Variants in PPP1R36 observed in about 807,000 individuals in gnomAD.
PPP1R36 encodes the protein chromosome 14 open reading frame 50.
In PPP1R36, 47 loss-of-function variants were observed where a neutral mutation model predicts 53.4. The ratio of observed to expected loss-of-function variants is 0.88; its 90% CI spans 0.70 to 1.12. The LOEUF (loss-of-function observed/expected upper bound fraction) is 1.12, where lower values mean the gene tolerates loss of function less well. PPP1R36 is among the 50% of genes most tolerant of loss of function. PPP1R36 has a pLI of 0.00. For missense variants in PPP1R36, 456 were observed against 513.9 expected (o/e 0.89, Z 1.09); for synonymous variants, 153 against 170.5 (o/e 0.90, Z 0.80).
chr14:64,562,971 A>G (rs547296579), intron 3 of PPP1R36, among the ~76,000 whole-genome samples: 1 of 152,146 alleles, frequency 6.6e-6, no homozygotes, highest in African/African-American at 2.4e-5. Context: ...GGTTCAAGCA[A>G]TTCTCCTGCC....
intron 3 of PPP1R36, among the ~76,000 whole-genome samples, 164 bp from the exon 4 acceptor site, chr14:64,564,587 T>C (rs1466158925): frequency 6.6e-6 from 1 of 152,246 alleles, no homozygotes; most frequent in African/African-American, 2.4e-5. Context: ...GTTTTAATTT[T>C]TTCTCTAGAT....
intron 3 of PPP1R36, among the ~76,000 whole-genome samples, chr14:64,562,466 A>T (rs1049153578): frequency 5.9e-5 from 9 of 152,008 alleles, no homozygotes; most frequent in African/African-American, 1.7e-4. Flanking sequence ...AAAAAAAAAA[A>T]TTTCAGTTAT....
rs530361235 is a variant in PPP1R36 at position 64,574,600 on chromosome 14, A to G, written c.668+11A>G. ...CATGTGCTGTGGAAAGTAAGCAGAT[A>G]CTTACACTTCATTAGATCATCACTC... is the stretch of plus-strand genomic sequence containing the variant. On this transcript the variant is annotated intron_variant, in intron 8 of 11. Transcript: ENST00000298705. 3.6e-5 allele frequency: 57 copies of G among 1,605,116 alleles called. No individual in the cohort carries two copies. Among genetic ancestry groups the G allele is most frequent in the Middle Eastern group, 3.3e-4 (2 of 6,008 alleles).
In PPP1R36 at chr14:64,551,836, ACTT is replaced by A. The variant is rs547300373; in HGVS notation, c.134+856_134+858del. ...TCAGGTCTCTGGAGCCAGCTACAGA[ACTT>A]CTTCAGTAGGTACTCAACAAATATT... is the stretch of plus-strand genomic sequence containing the variant. On this transcript the variant is annotated intron_variant, in intron 2 of 11. Coordinates refer to ENST00000298705, the MANE Select transcript of PPP1R36 (RefSeq NM_172365.3). 1.3e-3 allele frequency: 443 copies of A among 338,454 alleles called. 1 individual carries two copies. Among genetic ancestry groups the A allele is most frequent in the African/African-American group, 8.9e-3 (418 of 46,760 alleles). The allele number at this position is 338,454 out of a possible 1,614,324, so 21.0% of individuals were successfully genotyped here. A position where few individuals can be genotyped will look rare whatever the true frequency, so the allele number is the denominator to read the frequency against.
chr14:64,569,906 T>A (rs540204999), intron 7 of PPP1R36, among the ~76,000 whole-genome samples: 1 of 151,926 alleles, frequency 6.6e-6, no homozygotes, highest in South Asian at 2.1e-4. Context: ...GCCCAGCTAA[T>A]TTTTATATTT....
chr14:64,587,187 G>T lies in PPP1R36; in HGVS notation c.712-7G>T, dbSNP rs1264512579. 1.9e-6 allele frequency: 3 copies of T among 1,593,834 alleles called. No homozygotes were observed. Among genetic ancestry groups the T allele is most frequent in the South Asian group, 2.3e-5 (2 of 88,134 alleles). Reference sequence around the variant, plus strand: ...GGATCGTGATTCTTGTCTATTTTTTGTTGTAGTCCTTTTATACTTTCTGTA... The same window carrying T: ...GGATCGTGATTCTTGTCTATTTTTTTTTGTAGTCCTTTTATACTTTCTGTA... On this transcript the variant is annotated splice_region_variant and splice_polypyrimidine_tract_variant and intron_variant, in intron 9 of 11. Coordinates refer to ENST00000298705, the MANE Select transcript of PPP1R36 (RefSeq NM_172365.3).
Position 64,550,004 on chromosome 14 carries a change from C to T in PPP1R36, c.7C>T (p.Arg3Trp). The T allele has an allele frequency of 6.4e-7, 1 of 1,570,492 alleles. No homozygotes were observed. The highest frequency in any genetic ancestry group is 8.6e-7 in the Non-Finnish European group (1 of 1,157,736). ...TGGCTTCCAGGGCGAGGCCATGTACCGGGTGCCCGAGTTTTATGCGAGGAG... is the reference window on the plus strand; with the variant it reads ...TGGCTTCCAGGGCGAGGCCATGTACTGGGTGCCCGAGTTTTATGCGAGGAG... MY[R>W]VPEFYARRKR... Residue 3 changes from arginine (R) to tryptophan (W), a missense_variant, in exon 1 of 12, where the codon CGG (arginine) becomes TGG (tryptophan). Coordinates refer to ENST00000298705, the MANE Select transcript of PPP1R36 (RefSeq NM_172365.3).
intron 8 of PPP1R36, among the ~76,000 whole-genome samples, 176 bp downstream of exon 8, chr14:64,574,765 A>G (rs9671808): frequency 0.96 from 145,991 of 152,330 alleles, 70,060 homozygotes; most frequent in East Asian, 1. Context: ...TTGAGAGACC[A>G]AAGTGCATGT....
chr14:64,554,431 G>T (rs914562614), intron 3 of PPP1R36, among the ~76,000 whole-genome samples: 1 of 151,442 alleles, frequency 6.6e-6, no homozygotes, highest in South Asian at 2.1e-4. Flanking sequence ...GATTACAGGC[G>T]TGAGCCACCA....
intron 3 of PPP1R36, 41 bp from the exon 4 acceptor site, chr14:64,564,709 CT>C (rs1298129646): frequency 7.3e-7 from 1 of 1,376,956 alleles, no homozygotes; most frequent in Non-Finnish European, 1.0e-6. Flanking sequence ...TTGTTTTCCC[CT>C]GGAAAAGGTG....
At chr14:64,565,821 C>T (rs1214547415) in intron 6 of PPP1R36, 129 bp downstream of exon 6, 1 of 701,092 alleles carries the variant, frequency 1.4e-6, no homozygotes, top group Non-Finnish European at 2.4e-6. Context: ...GCCATCCTCT[C>T]AGGACCTAGT....
intron 11 of PPP1R36, 121 bp downstream of exon 11, chr14:64,588,416 A>T: frequency 1.2e-6 from 1 of 827,448 alleles, no homozygotes; most frequent in Non-Finnish European, 1.8e-6. Context: ...GACAGCCCCC[A>T]TTTTCTTACT....
chr14:64,556,644 T>A (rs1008771412), intron 3 of PPP1R36, among the ~76,000 whole-genome samples: 3 of 146,098 alleles, frequency 2.1e-5, no homozygotes, highest in African/African-American at 7.6e-5. Flanking sequence ...CCTGGTGGTA[T>A]GCGCCTGTAG....
Position 64,589,336 on chromosome 14 carries a change from T to C in PPP1R36, c.1267T>C (p.Ter423GlnextTer12). 1 of 1,604,400 alleles carries C rather than the reference T, an allele frequency of 6.2e-7. No homozygotes were observed. The highest frequency in any genetic ancestry group is 1.7e-5 in the Admixed American group (1 of 59,506). Reference sequence around the variant, plus strand: ...GTCCTCTCATACATCATGCCCTAAGTAACCTGGTACATTCCATATCTCAAG... The same window carrying C: ...GTCCTCTCATACATCATGCCCTAAGCAACCTGGTACATTCCATATCTCAAG... ...TLSSHTSCPK[*>Q] The change falls in exon 12 of 12, where the codon TAA becomes CAA. Residue 423 changes from the stop codon to glutamine (Q), a stop_lost. Coordinates refer to ENST00000298705, the MANE Select transcript of PPP1R36 (RefSeq NM_172365.3).
rs368681636 is a variant in PPP1R36 at position 64,574,562 on chromosome 14, C to T, written c.641C>T (p.Pro214Leu). Residue 214 changes from proline to leucine, a missense_variant, in exon 8 of 12, where the codon CCG (proline) becomes CTG (leucine). Transcript: ENST00000298705. ...ATCCTTGTGCTGGGCTTGGCCGTGC[C>T]GGATAAGCATCACATGTGCTGTGGA... is the stretch of plus-strand genomic sequence containing the variant. ...YCILVLGLAV[P>L]DKHHMCCGKE... 39 of 1,613,588 alleles carry T rather than the reference C, an allele frequency of 2.4e-5. No homozygotes were observed. Among genetic ancestry groups the T allele is most frequent in the African/African-American group, 5.3e-5 (4 of 74,872 alleles).
intron 3 of PPP1R36, among the ~76,000 whole-genome samples, chr14:64,562,341 A>G (rs1228653087): frequency 2.0e-5 from 3 of 152,054 alleles, no homozygotes; most frequent in African/African-American, 7.2e-5. Flanking sequence ...GGCACCTGTA[A>G]TCCCAGCTAC....
intron 2 of PPP1R36, 48 bp downstream of exon 2, chr14:64,551,033 G>A (rs1250171816): frequency 3.9e-6 from 5 of 1,283,878 alleles, no homozygotes; most frequent in East Asian, 2.3e-5. Flanking sequence ...AATTACATGT[G>A]CCTGGGGGAA....
At chr14:64,552,360 G>A (rs1596720636) in intron 2 of PPP1R36, among the ~76,000 whole-genome samples, 1 of 152,058 alleles carries the variant, frequency 6.6e-6, no homozygotes, top group Admixed American at 6.6e-5. Flanking sequence ...GTGATGGCGG[G>A]CACCTGTAAT....
chr14:64,551,053 A>G (rs1195191983), intron 2 of PPP1R36, 68 bp downstream of exon 2: 2 of 1,044,324 alleles, frequency 1.9e-6, no homozygotes, highest in Non-Finnish European at 2.9e-6. Flanking sequence ...AAAAAAAGCA[A>G]CAGAAGAGTA....
Sources: allele counts gnomAD v4.1 joint callset (sites outside exome capture counted in the v4.1 genomes callset), GRCh38; gene constraint gnomAD v4.1.1; transcripts MANE v1.5; gene names NCBI Gene and HGNC (gene_info 2026-07-23, HGNC 2026-07-21).